Variants in PCDH11X observed in about 807,000 individuals in gnomAD.
PCDH11X encodes the protein protocadherin 11 X-linked, also known as protocadherin-11 X-linked.
A neutral mutation model predicts 53.3 loss-of-function variants in PCDH11X; 18 were observed. The ratio of observed to expected loss-of-function variants is 0.34; its 90% CI spans 0.23 to 0.50. The LOEUF (loss-of-function observed/expected upper bound fraction) is 0.50, where lower values mean the gene tolerates loss of function less well. PCDH11X is among the 20% of genes least tolerant of loss of function. PCDH11X has a pLI of 0.98. For synonymous variants in PCDH11X, 279 were observed against 393.3 expected (o/e 0.71, Z 3.44); for missense variants, 570 against 1,032.4 (o/e 0.55, Z 6.14).
At chrX:92,503,880 A>G (rs769747564) in intron 10 of PCDH11X, among the ~76,000 whole-genome samples, 1 of 108,649 alleles carries the variant, frequency 9.2e-6, no homozygotes, top group South Asian at 4.1e-4. Flanking sequence ...GTCGAATTAA[A>G]AATAAGAAAA....
chrX:91,959,487 T>C lies in PCDH11X; in HGVS notation c.3033+80214T>C, dbSNP rs777349456. The stretch of plus-strand genomic sequence containing the variant: ...CCTGGCATCCACCATCCTATTCTGT[T>C]TCTCTAAGTACAACATTATATTTTC... On this transcript the variant is annotated intron_variant, in intron 6 of 10. Transcript: ENST00000682573. 3.6e-5 allele frequency among the ~76,000 whole-genome samples: 4 copies of C among 110,166 alleles called. No homozygotes were observed. In the East Asian group the frequency reaches 1.2e-3, roughly 32 times the overall value.
chrX:92,484,507 G>A (rs1489049899), intron 10 of PCDH11X, among the ~76,000 whole-genome samples: 1 of 106,613 alleles, frequency 9.4e-6, no homozygotes, highest in African/African-American at 3.4e-5. Context: ...GAATAAGGTG[G>A]TATCATATAT....
chrX:92,430,703 T>C (rs1203430584), intron 9 of PCDH11X, among the ~76,000 whole-genome samples: 39 of 105,223 alleles, frequency 3.7e-4, no homozygotes, highest in Middle Eastern at 5.0e-3. Flanking sequence ...TTACAAATAT[T>C]ATGAAAATAC....
chrX:92,573,111 G>A (rs1922398223), intron 10 of PCDH11X, among the ~76,000 whole-genome samples: 1 of 111,100 alleles, frequency 9.0e-6, no homozygotes, highest in Non-Finnish European at 1.9e-5. Context: ...AAGAGCAAAT[G>A]GTAGTTAGAC....
intron 6 of PCDH11X, among the ~76,000 whole-genome samples, chrX:92,002,616 C>T (rs958880790): frequency 4.6e-5 from 5 of 109,719 alleles, no homozygotes; most frequent in Non-Finnish European, 9.5e-5. Flanking sequence ...CCTCTCACTT[C>T]TTTGGTTAAT....
intron 10 of PCDH11X, among the ~76,000 whole-genome samples, chrX:92,473,290 G>T (rs1167991518): frequency 9.1e-6 from 1 of 109,907 alleles, no homozygotes; most frequent in Non-Finnish European, 1.9e-5. Flanking sequence ...AATTCCTGTG[G>T]TATCAGTTGT....
intron 6 of PCDH11X, among the ~76,000 whole-genome samples, chrX:92,031,635 T>C (rs953632093): frequency 4.5e-5 from 5 of 111,876 alleles, no homozygotes; most frequent in Non-Finnish European, 7.5e-5. Flanking sequence ...TTAAGTCTAA[T>C]TCATTGTGAT....
At chrX:92,119,875 CAA>C (rs1449080090) in intron 6 of PCDH11X, among the ~76,000 whole-genome samples, 2 of 110,227 alleles carry the variant, frequency 1.8e-5, no homozygotes, top group African/African-American at 3.3e-5. Flanking sequence ...CAAAATTAAA[CAA>C]GAGGCTTTTA....
intron 8 of PCDH11X, among the ~76,000 whole-genome samples, chrX:92,321,184 G>GTTGTTTTTT (rs1556361913): frequency 1.2e-5 from 1 of 84,901 alleles, no homozygotes. Flanking sequence ...TGAACTGTAA[G>GTTGTTTTTT]TTTTTTTTTG....
chrX:92,274,393 C>T (rs1332600738), intron 8 of PCDH11X, among the ~76,000 whole-genome samples: 1 of 110,534 alleles, frequency 9.0e-6, no homozygotes, highest in South Asian at 3.8e-4. Context: ...CTAATAAAGG[C>T]TGGTCTGTTA....
chrX:92,002,166 C>T, intron 6 of PCDH11X, among the ~76,000 whole-genome samples: 1 of 109,900 alleles, frequency 9.1e-6, no homozygotes, highest in Non-Finnish European at 1.9e-5. Context: ...CTGGCCTTTC[C>T]CCATGATATG....
At chrX:92,354,497 C>A (rs376897619) in intron 8 of PCDH11X, among the ~76,000 whole-genome samples, 8 of 110,199 alleles carry the variant, frequency 7.3e-5, no homozygotes, top group African/African-American at 2.6e-4. Flanking sequence ...ACATTATATA[C>A]CCAACCCTCT....
At chrX:92,019,509 T>C (rs1468294029) in intron 6 of PCDH11X, among the ~76,000 whole-genome samples, 1 of 111,579 alleles carries the variant, frequency 9.0e-6, no homozygotes, top group Non-Finnish European at 1.9e-5. Flanking sequence ...TAATAACCAC[T>C]CTCTTGGACC....
chrX:92,300,209 T>C (rs2068692316), intron 8 of PCDH11X, among the ~76,000 whole-genome samples: 1 of 111,470 alleles, frequency 9.0e-6, no homozygotes, highest in African/African-American at 3.3e-5. Flanking sequence ...AGGAATGTTT[T>C]ATGTCTGATC....
rs1250574683 is a variant in PCDH11X at position 91,814,105 on chromosome X, A to G, written c.-45+2810A>G. 4.0e-5 allele frequency among the ~76,000 whole-genome samples: 4 copies of G among 99,826 alleles called. No individual in the cohort carries two copies. In the South Asian group the frequency reaches 1.8e-3, roughly 45 times the overall value. The allele number at this position is 99,826 out of a possible 115,157, so 86.7% of individuals were successfully genotyped here. A position where few individuals can be genotyped will look rare whatever the true frequency, so the allele number is the denominator to read the frequency against. ...TGAGGTGTTTGCTTTAATATTTTCA[A>G]CACAGTGCTGGATTACAGAGTTTCA... On this transcript the variant is annotated intron_variant, in intron 4 of 10. Coordinates refer to ENST00000682573, the MANE Select transcript of PCDH11X (RefSeq NM_032968.5).
intron 9 of PCDH11X, among the ~76,000 whole-genome samples, chrX:92,457,987 G>T (rs2072942419): frequency 1.8e-5 from 2 of 110,202 alleles, no homozygotes. Context: ...TATGCTATAT[G>T]TAATAGAAAA....
At chrX:92,069,169 A>T (rs1343200988) in intron 6 of PCDH11X, among the ~76,000 whole-genome samples, 1 of 110,130 alleles carries the variant, frequency 9.1e-6, no homozygotes, top group African/African-American at 3.3e-5. Flanking sequence ...TTGGGTGCAT[A>T]TATGTTTACA....
intron 6 of PCDH11X, among the ~76,000 whole-genome samples, chrX:92,099,970 A>T (rs1415010686): frequency 1.8e-5 from 2 of 111,668 alleles, no homozygotes; most frequent in African/African-American, 6.5e-5. Flanking sequence ...ATATTAATCA[A>T]AATAATCATT....
At chrX:92,301,831 A>G (rs2068731328) in intron 8 of PCDH11X, among the ~76,000 whole-genome samples, 1 of 110,058 alleles carries the variant, frequency 9.1e-6, no homozygotes, top group South Asian at 4.0e-4. Context: ...TAAGGGGAGA[A>G]TTTGTGAAGA....
Sources: allele counts gnomAD v4.1 joint callset (sites outside exome capture counted in the v4.1 genomes callset), GRCh38; gene constraint gnomAD v4.1.1; transcripts MANE v1.5; gene names NCBI Gene and HGNC (gene_info 2026-07-23, HGNC 2026-07-21).